PTPRT: variants seen among roughly 807,000 people sequenced by gnomAD.
PTPRT encodes protein tyrosine phosphatase receptor type T.
A neutral mutation model predicts 176.8 loss-of-function variants in PTPRT; 56 were observed. The observed-to-expected ratio is 0.32, with a 90% CI of 0.26 to 0.40. The LOEUF is 0.40. Ranked by LOEUF, PTPRT falls within the 10% of genes least tolerant of loss-of-function variation. The probability of loss-of-function intolerance (pLI) is 1.00; values close to 1 mark genes in which losing one functional copy is unlikely to be tolerated. For synonymous variants in PTPRT, 783 were observed against 739.0 expected (o/e 1.06, Z -0.96); for missense variants, 1,540 against 1,908.2 (o/e 0.81, Z 3.60).
At chr20:42,464,843 T>G (rs1303771584) in intron 8 of PTPRT, among the ~76,000 whole-genome samples, 1 of 152,162 alleles carries the variant, frequency 6.6e-6, no homozygotes, top group Non-Finnish European at 1.5e-5. Flanking sequence ...GATGTACTCA[T>G]CCTTAGCAAC....
At chr20:42,407,304 A>G (rs1220585099) in intron 9 of PTPRT, among the ~76,000 whole-genome samples, 1 of 152,180 alleles carries the variant, frequency 6.6e-6, no homozygotes. Context: ...GAACCCTTGT[A>G]TCAAGCTGGT....
At chr20:42,618,205 A>C (rs1259696452) in intron 7 of PTPRT, among the ~76,000 whole-genome samples, 1 of 126,132 alleles carries the variant, frequency 7.9e-6, no homozygotes, top group Admixed American at 7.3e-5. Context: ...GTACCCAAGT[A>C]GTCATTCAGG....
chr20:42,601,822 T>C (rs374702204), intron 7 of PTPRT, among the ~76,000 whole-genome samples: 22 of 152,284 alleles, frequency 1.4e-4, no homozygotes, highest in East Asian at 5.8e-4. Context: ...CATGTTTAGG[T>C]GTGCTGGTTC....
chr20:42,198,793 G>T (rs939917603), intron 16 of PTPRT, among the ~76,000 whole-genome samples: 2 of 152,146 alleles, frequency 1.3e-5, no homozygotes, highest in African/African-American at 4.8e-5. Flanking sequence ...GCTTCTCTGA[G>T]CCTCAGTTTC....
rs1354950707 is a variant in PTPRT at position 42,316,009 on chromosome 20, G to T, written c.1866-13C>A. On this transcript the variant is annotated splice_polypyrimidine_tract_variant and intron_variant, in intron 11 of 30. Transcript: ENST00000373187. ...CAGCTGATAAACACTGGACAGGAAA[G>T]AGGAGACACAGATGGTTGAGCAACT... The T allele has an allele frequency of 6.2e-7, 1 of 1,612,626 alleles. No individual in the cohort carries two copies. Among genetic ancestry groups the T allele is most frequent in the African/African-American group, 1.3e-5 (1 of 75,030 alleles).
At chr20:42,730,524 A>G (rs751602109) in intron 6 of PTPRT, among the ~76,000 whole-genome samples, 3 of 152,246 alleles carry the variant, frequency 2.0e-5, no homozygotes, top group Non-Finnish European at 4.4e-5. Context: ...GGGAATTGGA[A>G]GAGAGGAACA....
chr20:42,452,619 T>C (rs987153468), intron 8 of PTPRT, among the ~76,000 whole-genome samples: 1 of 152,128 alleles, frequency 6.6e-6, no homozygotes, highest in Non-Finnish European at 1.5e-5. Flanking sequence ...AGGGTCTATC[T>C]GACGGAAATT....
chr20:42,493,252 G>A (rs544925558), intron 7 of PTPRT, among the ~76,000 whole-genome samples: 1 of 152,268 alleles, frequency 6.6e-6, no homozygotes, highest in African/African-American at 2.4e-5. Flanking sequence ...GAATGGCAGA[G>A]CTGGCATTTA....
intron 8 of PTPRT, among the ~76,000 whole-genome samples, chr20:42,456,140 C>T (rs1039105042): frequency 1.3e-5 from 2 of 151,958 alleles, no homozygotes; most frequent in South Asian, 2.1e-4. Context: ...AAATGTATTA[C>T]TAAATACCTT....
intron 1 of PTPRT, among the ~76,000 whole-genome samples, chr20:43,168,418 T>C (rs888560799): frequency 4.6e-5 from 7 of 152,196 alleles, no homozygotes; most frequent in African/African-American, 1.4e-4. Flanking sequence ...TCCCAGACCA[T>C]TTGAATGAGA....
At chr20:42,468,731 G>T (rs1265097389) in intron 8 of PTPRT, among the ~76,000 whole-genome samples, 2 of 152,154 alleles carry the variant, frequency 1.3e-5, no homozygotes, top group Admixed American at 1.3e-4. Flanking sequence ...GCAGCTCAAG[G>T]TGGGCAAAGA....
intron 23 of PTPRT, among the ~76,000 whole-genome samples, chr20:42,108,716 A>C (rs1245675624): frequency 6.6e-6 from 1 of 151,802 alleles, no homozygotes; most frequent in Admixed American, 6.5e-5. Flanking sequence ...GGGAGAAAGA[A>C]AACATTAAGA....
At chr20:43,114,378 T>C (rs868536198) in intron 1 of PTPRT, among the ~76,000 whole-genome samples, 2 of 152,132 alleles carry the variant, frequency 1.3e-5, no homozygotes, top group African/African-American at 2.4e-5. Context: ...GGCAAGTCAA[T>C]AACCTTTTTG....
intron 5 of PTPRT, among the ~76,000 whole-genome samples, chr20:42,757,857 G>T (rs910232959): frequency 7.2e-5 from 11 of 152,162 alleles, no homozygotes; most frequent in African/African-American, 2.4e-4. Context: ...ATGCATGTTG[G>T]TGCAGTTTGA....
chr20:42,720,823 G>A lies in PTPRT; in HGVS notation c.859+35639C>T, dbSNP rs149338507. Among the ~76,000 whole-genome samples, 600 of 152,220 alleles carry A rather than the reference G, an allele frequency of 3.9e-3. 4 individuals carry two copies. The highest frequency in any genetic ancestry group is 6.4e-3 in the Non-Finnish European group (434 of 68,024). The stretch of plus-strand genomic sequence containing the variant: ...TCATAGAGGCATAGAATAATGTGTC[G>A]CAGGCATTTTTGAATATAACTGTCT... On this transcript the variant is annotated intron_variant, in intron 6 of 30. Coordinates refer to ENST00000373187, the MANE Select transcript of PTPRT (RefSeq NM_007050.6).
intron 1 of PTPRT, among the ~76,000 whole-genome samples, chr20:43,056,755 C>T (rs1488409464): frequency 3.3e-5 from 5 of 152,114 alleles, no homozygotes; most frequent in African/African-American, 1.2e-4. Context: ...AAAACATTAA[C>T]AAATCAAATA....
At chr20:42,675,639 A>G (rs548635352) in intron 7 of PTPRT, among the ~76,000 whole-genome samples, 1 of 152,376 alleles carries the variant, frequency 6.6e-6, no homozygotes, top group Non-Finnish European at 1.5e-5. Flanking sequence ...ATATGTCATT[A>G]ATACTGTGAA....
chr20:43,091,512 CCCTCT>C (rs1476501302), intron 1 of PTPRT, among the ~76,000 whole-genome samples: 4 of 148,942 alleles, frequency 2.7e-5, no homozygotes, highest in Non-Finnish European at 1.5e-5. Flanking sequence ...TCTCTCTCCC[CCCTCT>C]CTTTCTCTCT....
At chr20:42,297,200 T>A (rs1213677738) in intron 12 of PTPRT, among the ~76,000 whole-genome samples, 1 of 152,104 alleles carries the variant, frequency 6.6e-6, no homozygotes, top group Non-Finnish European at 1.5e-5. Flanking sequence ...ATAATAGGTA[T>A]AAACATCTAT....
Sources: gnomAD v4.1 joint callset for allele counts (sites outside exome capture counted in the v4.1 genomes callset) on GRCh38, gnomAD v4.1.1 for gene constraint, MANE v1.5 for transcripts, NCBI Gene and HGNC (gene_info 2026-07-23, HGNC 2026-07-21) for gene names.